The following CACNA1G variants were observed in gnomAD, a reference collection of about 807,000 sequenced individuals.
CACNA1G encodes calcium voltage-gated channel subunit alpha1 G.
CACNA1G carries 67 observed loss-of-function variants against 219.4 expected under a neutral mutation model. That is an observed-to-expected ratio of 0.31 (90% CI 0.25 to 0.37). The LOEUF (loss-of-function observed/expected upper bound fraction) is 0.37, where lower values mean the gene tolerates loss of function less well. Ranked by LOEUF, CACNA1G falls within the 10% of genes least tolerant of loss-of-function variation. The pLI, the probability that CACNA1G is intolerant of heterozygous loss-of-function variation, is 1.00. For missense variants in CACNA1G, 2,380 were observed against 3,231.4 expected (o/e 0.74, Z 6.39); for synonymous variants, 1,296 against 1,345.3 (o/e 0.96, Z 0.80).
Position 50,627,327 on chromosome 17 carries a change from C to T in CACNA1G, c.*576C>T, listed in dbSNP as rs1469636701. The T allele has an allele frequency of 2.4e-6, 1 of 410,266 alleles. No individual in the cohort carries two copies. The highest frequency in any genetic ancestry group is 4.8e-6 in the Non-Finnish European group (1 of 207,670). The allele number at this position is 410,266 out of a possible 1,614,324, so 25.4% of individuals were successfully genotyped here. ...AATGTAACTTATTTTTTCCTTTAAC[C>T]TCGTCATCATTTTCTGTAGGGAAAA... is the stretch of plus-strand genomic sequence containing the variant. On this transcript the variant is annotated 3_prime_UTR_variant, in exon 38 of 38. Transcript: ENST00000359106.
rs1282159856 is a variant in CACNA1G at position 50,561,502 on chromosome 17, C to G, written c.43C>G (p.Gln15Glu). 6 of 1,535,994 alleles carry G rather than the reference C, an allele frequency of 3.9e-6. No homozygotes were observed. The East Asian group carries it at 7.3e-5, about 19-fold the overall frequency. The stretch of plus-strand genomic sequence containing the variant: ...TGGAGCGGGCGCCGAGGAGTCGGGA[C>G]AGCCCCGGAGCTTCATGCGGCTCAA... ...EDGAGAEESG[Q>E]PRSFMRLNDL... The change falls in exon 1 of 38, where the codon CAG (glutamine) becomes GAG (glutamate). Residue 15 changes from glutamine (Q) to glutamate (E), a missense_variant. Around this residue, in one of 17 missense-constraint regions of CACNA1G, gnomAD observed 98 missense variants for 85.5 expected, o/e 1.15. Transcript: ENST00000359106.
Position 50,581,194 on chromosome 17 carries a change from G to A in CACNA1G, c.2301+2630G>A, listed in dbSNP as rs529405192. The stretch of plus-strand genomic sequence containing the variant: ...GCGGAGACAGACAGAGACAAATGGA[G>A]CCACAGAGACACACAGGGAGACAGA... On this transcript the variant is annotated intron_variant, in intron 9 of 37. Transcript: ENST00000359106. Among the ~76,000 whole-genome samples the A allele has an allele frequency of 5.3e-5, 8 of 151,906 alleles. No individual in the cohort carries two copies. In the South Asian group the frequency reaches 1.7e-3, roughly 32 times the overall value.
chr17:50,619,924 T>G, intron 34 of CACNA1G, 98 bp downstream of exon 34: 3 of 1,250,614 alleles, frequency 2.4e-6, no homozygotes, highest in Non-Finnish European at 3.2e-6. Context: ...TCCTGCCCAC[T>G]GGGTATCTGT....
chr17:50,572,955 C>A (rs2039783052), intron 6 of CACNA1G, 66 bp from the exon 7 acceptor site: 2 of 1,559,810 alleles, frequency 1.3e-6, no homozygotes, highest in African/African-American at 2.7e-5. Flanking sequence ...GGGGTCAAGG[C>A]CTCTGGAGGA....
At chr17:50,624,608 C>G in intron 37 of CACNA1G, 79 bp downstream of exon 37, 1 of 1,302,988 alleles carries the variant, frequency 7.7e-7, no homozygotes, top group Admixed American at 2.5e-5. Context: ...TTGACACTTT[C>G]ATTCTTCCAG....
Position 50,627,319 on chromosome 17 carries a change from C to T in CACNA1G, c.*568C>T. 4 of 414,042 alleles carry T rather than the reference C, an allele frequency of 9.7e-6. No homozygotes were observed. The highest frequency in any genetic ancestry group is 7.0e-5 in the South Asian group (4 of 57,040). 25.6% of individuals were successfully genotyped at this position (414,042 alleles called of 1,614,324 possible). A position where few individuals can be genotyped will look rare whatever the true frequency, so the allele number is the denominator to read the frequency against. On this transcript the variant is annotated 3_prime_UTR_variant, in exon 38 of 38. Coordinates refer to ENST00000359106, the MANE Select transcript of CACNA1G (RefSeq NM_018896.5). ...GAAACTGTAATGTAACTTATTTTTTCCTTTAACCTCGTCATCATTTTCTGT... is the reference window on the plus strand; with the variant it reads ...GAAACTGTAATGTAACTTATTTTTTTCTTTAACCTCGTCATCATTTTCTGT...
At chr17:50,572,086 T>G (rs2039559279) in intron 5 of CACNA1G, 49 bp downstream of exon 5, 2 of 1,575,370 alleles carry the variant, frequency 1.3e-6, no homozygotes, top group South Asian at 2.3e-5. Flanking sequence ...GTTATGGGGC[T>G]GGGCACCCCC....
Position 50,591,427 on chromosome 17 carries a change from C to T in CACNA1G, c.2454-8C>T. The T allele has an allele frequency of 1.3e-6, 2 of 1,548,994 alleles. No individual in the cohort carries two copies. The highest frequency in any genetic ancestry group is 1.7e-6 in the Non-Finnish European group (2 of 1,149,288). On this transcript the variant is annotated splice_region_variant and splice_polypyrimidine_tract_variant and intron_variant, in intron 10 of 37. Coordinates refer to ENST00000359106, the MANE Select transcript of CACNA1G (RefSeq NM_018896.5). ...GCAGGGGGCTCAGGCTGCCTGCCCC[C>T]TTTGCAGCGTGTGGGAGATCGTGGG...
Position 50,572,704 on chromosome 17 carries a change from T to A in CACNA1G, c.897T>A (p.Gly299=), listed in dbSNP as rs1246057350. Residue 299 remains glycine (G), a synonymous_variant, in exon 6 of 38, where the codon GGT becomes GGA. Transcript: ENST00000359106. ...RGDGGGGPPC[G]LDYEAYNSSS... The stretch of plus-strand genomic sequence containing the variant: ...ACGGGGGCGGTGGCCCACCTTGCGG[T>A]CTGGACTATGAGGCCTACAACAGCT... The A allele has an allele frequency of 3.1e-6, 5 of 1,613,654 alleles. No homozygotes were observed. Among genetic ancestry groups the A allele is most frequent in the Non-Finnish European group, 3.4e-6 (4 of 1,179,754 alleles).
chr17:50,587,132 T>A (rs1191111660), intron 9 of CACNA1G, among the ~76,000 whole-genome samples: 1 of 152,146 alleles, frequency 6.6e-6, no homozygotes, highest in Non-Finnish European at 1.5e-5. Flanking sequence ...GTGTGCTCTC[T>A]GTGTGAGCTC....
At chr17:50,564,125 A>AGTGTGTGTGTGT (rs67152102) in intron 1 of CACNA1G, among the ~76,000 whole-genome samples, 7,167 of 138,572 alleles carry the variant, frequency 0.052, 294 homozygotes, top group African/African-American at 0.1. Context: ...CCAGGTAGGA[A>AGTGTGTGTGTGT]GTGTGTGTGT....
Position 50,618,905 on chromosome 17 carries a change from C to T in CACNA1G, c.5678C>T (p.Pro1893Leu). The T allele has an allele frequency of 6.2e-7, 1 of 1,609,206 alleles. No homozygotes were observed. The highest frequency in any genetic ancestry group is 8.5e-7 in the Non-Finnish European group (1 of 1,177,414). ...HSPLGSPFLW[P>L]GVEGPDSPDS... The stretch of plus-strand genomic sequence containing the variant: ...CCACTGGGCAGCCCCTTCCTCTGGC[C>T]TGGGGTCGAGGGCCCCGACAGCCCC... Residue 1893 changes from proline to leucine, a missense_variant, in exon 33 of 38, where the codon CCT (proline) becomes CTT (leucine). This residue lies in a region of CACNA1G where 672 missense variants were observed against 670.5 expected (regional missense o/e 1.00). Coordinates refer to ENST00000359106, the MANE Select transcript of CACNA1G (RefSeq NM_018896.5). This position sits in a 1 kb window ranked among gnomAD's most constrained non-coding sequence, Gnocchi z 5.3.
Position 50,619,820 on chromosome 17 carries a change from C to A in CACNA1G, c.5919C>A (p.Asp1973Glu). 6.2e-7 allele frequency: 1 copy of A among 1,604,014 alleles called. No individual in the cohort carries two copies. Among genetic ancestry groups the A allele is most frequent in the Non-Finnish European group, 8.5e-7 (1 of 1,177,706 alleles). Reference protein sequence around the residue: ...FPSAPSLGGSDPQIPLAEMEA... With the variant: ...FPSAPSLGGSEPQIPLAEMEA... ...CTGCCCCCAGCCTGGGAGGCTCCGACCCACAGGTTACTGTGCCCCTGTGCT... is the reference window on the plus strand; with the variant it reads ...CTGCCCCCAGCCTGGGAGGCTCCGAACCACAGGTTACTGTGCCCCTGTGCT... Residue 1973 changes from aspartate (D) to glutamate (E), a missense_variant, in exon 34 of 38, where the codon GAC (aspartate) becomes GAA (glutamate). Asp to Glu is a conservative substitution (Grantham distance 45). Transcript: ENST00000359106.
At chr17:50,599,891 C>A (rs947135284) in intron 17 of CACNA1G, 32 bp downstream of exon 17, 1 of 1,585,730 alleles carries the variant, frequency 6.3e-7, no homozygotes, top group Non-Finnish European at 8.6e-7. Flanking sequence ...TGACCCCTCA[C>A]CCCTGACCTT....
chr17:50,572,697 C>T lies in CACNA1G; in HGVS notation c.890C>T (p.Pro297Leu). The T allele has an allele frequency of 6.2e-7, 1 of 1,613,538 alleles. No homozygotes were observed. The highest frequency in any genetic ancestry group is 2.2e-5 in the East Asian group (1 of 44,868). The change falls in exon 6 of 38, where the codon CCT (proline) becomes CTT (leucine). Residue 297 changes from proline (P) to leucine (L), a missense_variant. Pro to Leu is a moderately conservative substitution (Grantham distance 98, BLOSUM62 -3). Around this residue, in one of 17 missense-constraint regions of CACNA1G, gnomAD observed 68 missense variants for 85.3 expected, o/e 0.80. Transcript: ENST00000359106. ...CGCGGGGACGGGGGCGGTGGCCCAC[C>T]TTGCGGTCTGGACTATGAGGCCTAC... ...TLRGDGGGGP[P>L]CGLDYEAYNS...
chr17:50,606,803 C>A, intron 23 of CACNA1G, 97 bp from the exon 24 acceptor site: 1 of 823,260 alleles, frequency 1.2e-6, no homozygotes, highest in Non-Finnish European at 2.1e-6. Context: ...GGCTGGGGTA[C>A]TTGGAGCTGA....
intron 22 of CACNA1G, among the ~76,000 whole-genome samples, chr17:50,605,679 C>T (rs1484052499): frequency 6.6e-6 from 1 of 152,222 alleles, no homozygotes; most frequent in Non-Finnish European, 1.5e-5. Flanking sequence ...CCCTTTCCCA[C>T]TGCCCGCCCC....
rs1376172938 is a variant in CACNA1G, at chr17:50,603,715, T to A, written c.4170-440T>A. ...AGCCAGTCACCACCCCCAACTCAGATTTTTTTTTTTTAATAGGGATGATGT... is the reference window on the plus strand; with the variant it reads ...AGCCAGTCACCACCCCCAACTCAGAATTTTTTTTTTTAATAGGGATGATGT... On this transcript the variant is annotated intron_variant, in intron 21 of 37. Transcript: ENST00000359106. The surrounding 1 kb of genome is among the most constrained non-coding windows in gnomAD (Gnocchi z 6.4). Among the ~76,000 whole-genome samples the A allele has an allele frequency of 1.4e-5, 2 of 138,354 alleles. No individual in the cohort carries two copies. The highest frequency in any genetic ancestry group is 3.0e-5 in the Non-Finnish European group (2 of 65,604). The allele number at this position is 138,354 out of a possible 152,430, so 90.8% of individuals were successfully genotyped here. A position where few individuals can be genotyped will look rare whatever the true frequency, so the allele number is the denominator to read the frequency against.
At position 50,599,830 on chromosome 17, in the gene CACNA1G, G is replaced by A. The variant is rs758616645; in HGVS notation, c.3661G>A (p.Gly1221Arg). ...GCGGCCTGATGACCCCCCACTGGAT[G>A]GGGATGACGCCGATGACGAGGGCAA... ...ALRPDDPPLD[G>R]DDADDEGNLS... Residue 1221 changes from glycine (G) to arginine (R), a missense_variant, in exon 17 of 38, where the codon GGG becomes AGG. Transcript: ENST00000359106. 6.2e-7 allele frequency: 1 copy of A among 1,610,380 alleles called. No homozygotes were observed. The highest frequency in any genetic ancestry group is 1.7e-5 in the Admixed American group (1 of 60,010).
Sources: gnomAD v4.1 joint callset for allele counts (sites outside exome capture counted in the v4.1 genomes callset) on GRCh38, gnomAD v4.1.1 for gene constraint, gnomAD v4.1.1 regional missense constraint, Gnocchi (gnomAD v3.1) non-coding constraint, MANE v1.5 for transcripts, NCBI Gene and HGNC (gene_info 2026-07-23, HGNC 2026-07-21) for gene names.